CHN1: variants seen among roughly 807,000 people sequenced by gnomAD.
CHN1 encodes N-chimaerin.
In CHN1, 37 loss-of-function variants were observed where a neutral mutation model predicts 59.5. The observed-to-expected ratio is 0.62, with a 90% CI of 0.48 to 0.82. CHN1 has a LOEUF of 0.82. CHN1 is among the 40% of genes least tolerant of loss of function. The probability of loss-of-function intolerance (pLI) is 0.00; values close to 1 mark genes in which losing one functional copy is unlikely to be tolerated. For synonymous variants in CHN1, 206 were observed against 200.4 expected (o/e 1.03, Z -0.24); for missense variants, 469 against 571.0 (o/e 0.82, Z 1.82).
chr2:174,936,599 T>C (rs1180625929), intron 3 of CHN1, among the ~76,000 whole-genome samples: 1 of 152,014 alleles, frequency 6.6e-6, no homozygotes, highest in Non-Finnish European at 1.5e-5. Context: ...CAATAGAAAA[T>C]AATAGTATAT....
intron 3 of CHN1, chr2:174,921,074 G>T: frequency 2.6e-6 from 1 of 385,918 alleles, no homozygotes; most frequent in South Asian, 1.8e-5. Flanking sequence ...AGGCAATAAT[G>T]TGGGCAATGG....
intron 9 of CHN1, chr2:174,811,983 T>C (rs1452049): frequency 0.43 from 109,985 of 255,822 alleles, 25,227 homozygotes; most frequent in African/African-American, 0.6. Context: ...AGAGCATTTA[T>C]ACTTTTGCTT....
intron 11 of CHN1, among the ~76,000 whole-genome samples, chr2:174,807,446 C>CTGTGTGTGTGTGTGTGTGTGTGTGTG: frequency 1.2e-5 from 1 of 83,844 alleles, no homozygotes; most frequent in Non-Finnish European, 2.4e-5. Context: ...CACGGGCTAT[C>CTGTGTGTGTGTGTGTGTGTGTGTGTG]TGTGTGTGTG....
intron 5 of CHN1, among the ~76,000 whole-genome samples, chr2:174,898,467 G>T (rs528685250): frequency 6.6e-6 from 1 of 150,646 alleles, no homozygotes; most frequent in African/African-American, 2.4e-5. Context: ...AGCTGGGCTT[G>T]GTGGCGCACA....
intron 6 of CHN1, among the ~76,000 whole-genome samples, chr2:174,868,683 G>A (rs1017173395): frequency 1.3e-5 from 2 of 152,066 alleles, no homozygotes; most frequent in Non-Finnish European, 1.5e-5. Flanking sequence ...TACACAACCC[G>A]CAATCCACCC....
At position 175,004,874 on chromosome 2, in the gene CHN1, G is replaced by T; in HGVS notation, c.19+20C>A. On this transcript the variant is annotated intron_variant, in intron 1 of 12. Coordinates refer to ENST00000409900, the MANE Select transcript of CHN1 (RefSeq NM_001822.7). Reference sequence around the variant, plus strand: ...GGACGCGGCCCACCTGCGGCGGCGCGGGGAGACGGCTGCACTTACCAAACA... The same window carrying T: ...GGACGCGGCCCACCTGCGGCGGCGCTGGGAGACGGCTGCACTTACCAAACA... 2 of 1,389,358 alleles carry T rather than the reference G, an allele frequency of 1.4e-6. No individual in the cohort carries two copies. Among genetic ancestry groups the T allele is most frequent in the Non-Finnish European group, 1.9e-6 (2 of 1,060,962 alleles). 86.1% of individuals were successfully genotyped at this position (1,389,358 alleles called of 1,614,324 possible).
At chr2:174,829,829 G>A in intron 7 of CHN1, among the ~76,000 whole-genome samples, 1 of 152,146 alleles carries the variant, frequency 6.6e-6, no homozygotes, top group East Asian at 1.9e-4. Context: ...AAAACGAAAG[G>A]AATGTAGGTA....
intron 6 of CHN1, among the ~76,000 whole-genome samples, chr2:174,876,278 T>G (rs1332236915): frequency 1.3e-5 from 2 of 152,248 alleles, no homozygotes; most frequent in African/African-American, 4.8e-5. Context: ...ACGTTCAGAA[T>G]GCATTAACAA....
intron 1 of CHN1, among the ~76,000 whole-genome samples, chr2:174,962,153 C>T (rs551044647): frequency 2.6e-5 from 4 of 152,012 alleles, no homozygotes; most frequent in South Asian, 2.1e-4. Context: ...GGCGGGGTGG[C>T]GCGCGCCTAT....
Position 174,915,156 on chromosome 2 carries a change from G to C in CHN1, c.162C>G (p.Ile54Met). The C allele has an allele frequency of 6.2e-7, 1 of 1,610,086 alleles. No individual in the cohort carries two copies. The highest frequency in any genetic ancestry group is 8.5e-7 in the Non-Finnish European group (1 of 1,178,116). Reference protein sequence around the residue: ...KYYGREFHGMISREAADQLLI... With the variant: ...KYYGREFHGMMSREAADQLLI... ...AGAGCTGGTCGGCTGCTTCTCTGGAGATCATGCCATGAAACCTAAGAAACA... is the reference window on the plus strand; with the variant it reads ...AGAGCTGGTCGGCTGCTTCTCTGGACATCATGCCATGAAACCTAAGAAACA... The change falls in exon 5 of 13, where the codon ATC becomes ATG. Residue 54 changes from isoleucine (I) to methionine (M), a missense_variant. By Grantham distance (10) the Ile-to-Met change is conservative. Coordinates refer to ENST00000409900, the MANE Select transcript of CHN1 (RefSeq NM_001822.7).
chr2:174,976,300 C>A (rs537422667), intron 1 of CHN1, among the ~76,000 whole-genome samples: 6 of 151,856 alleles, frequency 4.0e-5, no homozygotes, highest in Non-Finnish European at 5.9e-5. Context: ...TGCAGTGGCA[C>A]GATCTCGGCT....
intron 1 of CHN1, among the ~76,000 whole-genome samples, chr2:174,968,308 A>T (rs1291107663): frequency 6.6e-6 from 1 of 152,224 alleles, no homozygotes; most frequent in African/African-American, 2.4e-5. Context: ...GGAAAAAAAA[A>T]GTGGATTCTA....
chr2:174,888,950 A>T (rs1433331958), intron 5 of CHN1, among the ~76,000 whole-genome samples: 2 of 152,162 alleles, frequency 1.3e-5, no homozygotes, highest in Non-Finnish European at 2.9e-5. Flanking sequence ...GAGGGAGAAG[A>T]GTGGAGTATG....
At chr2:174,963,933 C>T (rs1690507128) in intron 1 of CHN1, among the ~76,000 whole-genome samples, 2 of 151,792 alleles carry the variant, frequency 1.3e-5, no homozygotes, top group South Asian at 2.1e-4. Context: ...ACATTCTCCT[C>T]GAGACTTGAT....
intron 3 of CHN1, among the ~76,000 whole-genome samples, chr2:174,932,650 G>A (rs1689384400): frequency 6.6e-6 from 1 of 152,186 alleles, no homozygotes; most frequent in Non-Finnish European, 1.5e-5. Flanking sequence ...GGTGGGGACT[G>A]GTGGGAGGTG....
intron 5 of CHN1, among the ~76,000 whole-genome samples, chr2:174,888,012 G>A (rs180771426): frequency 6.6e-6 from 1 of 152,194 alleles, no homozygotes. Context: ...TATAGGTAGT[G>A]CCTGCACTTA....
At chr2:174,881,983 C>A (rs935425355) in intron 5 of CHN1, among the ~76,000 whole-genome samples, 1 of 152,206 alleles carries the variant, frequency 6.6e-6, no homozygotes, top group Non-Finnish European at 1.5e-5. Context: ...GAACCCTAGA[C>A]TACAGAGCAT....
intron 3 of CHN1, among the ~76,000 whole-genome samples, chr2:174,928,927 G>C (rs755904095): frequency 2.0e-5 from 3 of 152,126 alleles, no homozygotes; most frequent in Non-Finnish European, 4.4e-5. Context: ...CTGAGTACCA[G>C]CAAAGTGGAG....
At chr2:174,995,334 G>GCATGCTA (rs1691672643) in intron 1 of CHN1, among the ~76,000 whole-genome samples, 2 of 152,178 alleles carry the variant, frequency 1.3e-5, no homozygotes, top group South Asian at 4.1e-4. Context: ...TTTTTAAGTT[G>GCATGCTA]CATGCTATTC....
Sources: gnomAD v4.1 joint callset for allele counts (sites outside exome capture counted in the v4.1 genomes callset) on GRCh38, gnomAD v4.1.1 for gene constraint, MANE v1.5 for transcripts, NCBI Gene and HGNC (gene_info 2026-07-23, HGNC 2026-07-21) for gene names.